RORB: variants seen among roughly 807,000 people sequenced by gnomAD.
The protein encoded by RORB is RAR related orphan receptor B.
Under a neutral mutation model 59.1 loss-of-function variants are expected in RORB, and 6 were observed. That is an observed-to-expected ratio of 0.10 (90% CI 0.06 to 0.20). RORB has a LOEUF of 0.20. Ranked by LOEUF, RORB falls within the 10% of genes least tolerant of loss-of-function variation. RORB has a pLI of 1.00. For missense variants in RORB, 320 were observed against 560.5 expected, an observed-to-expected ratio of 0.57 and a Z score of 4.33; for synonymous variants, 215 against 204.5, an observed-to-expected ratio of 1.05 and a Z score of -0.44.
chr9:74,625,007 T>C (rs1823486193), intron 1 of RORB, among the ~76,000 whole-genome samples: 1 of 151,806 alleles, frequency 6.6e-6, no homozygotes, highest in Non-Finnish European at 1.5e-5. Flanking sequence ...CCAGGAATCA[T>C]AGCCGGGTCA....
intron 1 of RORB, among the ~76,000 whole-genome samples, chr9:74,587,810 T>C (rs567057254): frequency 6.6e-6 from 1 of 152,272 alleles, no homozygotes; most frequent in East Asian, 1.9e-4. Context: ...AGGATTGCTA[T>C]TGTCCCATTG....
intron 1 of RORB, among the ~76,000 whole-genome samples, chr9:74,628,857 T>C (rs531896592): frequency 2.6e-4 from 40 of 152,350 alleles, no homozygotes; most frequent in African/African-American, 9.4e-4. Flanking sequence ...AAATAAATTT[T>C]GTCTCATGGA....
intron 1 of RORB, among the ~76,000 whole-genome samples, chr9:74,614,784 C>T (rs922681919): frequency 6.6e-6 from 1 of 152,086 alleles, no homozygotes; most frequent in African/African-American, 2.4e-5. Context: ...ATATAAAGAA[C>T]ATATTTTGTT....
At chr9:74,630,015 G>A (rs1823589262) in intron 1 of RORB, among the ~76,000 whole-genome samples, 1 of 152,200 alleles carries the variant, frequency 6.6e-6, no homozygotes, top group Admixed American at 6.5e-5. Context: ...AGAAAACAGT[G>A]AATGCAAGAC....
intron 4 of RORB, among the ~76,000 whole-genome samples, chr9:74,654,525 A>C (rs1257848212): frequency 6.6e-6 from 1 of 152,186 alleles, no homozygotes; most frequent in Admixed American, 6.5e-5. Flanking sequence ...TCAAAAATTT[A>C]ATTTCTCTCT....
intron 1 of RORB, among the ~76,000 whole-genome samples, chr9:74,577,016 C>T (rs1241532185): frequency 6.6e-6 from 1 of 152,006 alleles, no homozygotes; most frequent in Non-Finnish European, 1.5e-5. Flanking sequence ...GCCTCCAAGG[C>T]CAGTGCTCTA....
chr9:74,519,654 A>G (rs1480065726), intron 1 of RORB, among the ~76,000 whole-genome samples: 1 of 151,982 alleles, frequency 6.6e-6, no homozygotes, highest in Non-Finnish European at 1.5e-5. Context: ...CCCGCCAAAC[A>G]ATGCGCTGCC....
chr9:74,526,821 C>T (rs1826161945), intron 1 of RORB, among the ~76,000 whole-genome samples: 1 of 151,826 alleles, frequency 6.6e-6, no homozygotes, highest in Non-Finnish European at 1.5e-5. Context: ...GGCTAATATA[C>T]CTTTTAGAAA....
At chr9:74,624,883 T>C (rs1007017639) in intron 1 of RORB, among the ~76,000 whole-genome samples, 9 of 152,168 alleles carry the variant, frequency 5.9e-5, no homozygotes, top group Non-Finnish European at 1.3e-4. Flanking sequence ...CATTAAGAGA[T>C]TTAATTGCAC....
chr9:74,525,845 T>C (rs1327124786), intron 1 of RORB, among the ~76,000 whole-genome samples: 1 of 151,962 alleles, frequency 6.6e-6, no homozygotes, highest in Non-Finnish European at 1.5e-5. Flanking sequence ...TCAGGTGATT[T>C]TCACGTAGAG....
intron 1 of RORB, among the ~76,000 whole-genome samples, chr9:74,622,487 A>G (rs1823438160): frequency 1.4e-5 from 2 of 140,398 alleles, no homozygotes; most frequent in South Asian, 2.3e-4. Context: ...GTTATCGTGT[A>G]TATGAATCAC....
chr9:74,524,095 T>G (rs1045908707), intron 1 of RORB, among the ~76,000 whole-genome samples: 1 of 148,426 alleles, frequency 6.7e-6, no homozygotes, highest in African/African-American at 2.5e-5. Flanking sequence ...TATCTCATCA[T>G]CTACAGAAAG....
chr9:74,573,795 G>A (rs1822589017), intron 1 of RORB, among the ~76,000 whole-genome samples: 1 of 152,106 alleles, frequency 6.6e-6, no homozygotes, highest in Admixed American at 6.6e-5. Flanking sequence ...GGGTAGGGAA[G>A]GGAGACGGAA....
At chr9:74,589,579 G>A (rs768551405) in intron 1 of RORB, among the ~76,000 whole-genome samples, 3 of 152,104 alleles carry the variant, frequency 2.0e-5, no homozygotes, top group Non-Finnish European at 2.9e-5. Context: ...GTACAGATGC[G>A]GCTAGTAAAG....
intron 1 of RORB, among the ~76,000 whole-genome samples, chr9:74,551,397 A>G (rs1363629012): frequency 1.3e-5 from 2 of 152,216 alleles, no homozygotes; most frequent in Non-Finnish European, 2.9e-5. Flanking sequence ...ACAATAGTTG[A>G]TATGATCACC....
At chr9:74,665,129 T>C (rs1563968705) in intron 6 of RORB, among the ~76,000 whole-genome samples, 1 of 152,212 alleles carries the variant, frequency 6.6e-6, no homozygotes, top group African/African-American at 2.4e-5. Flanking sequence ...GAGAAAAATG[T>C]ATTTTCAAAA....
chr9:74,502,054 A>C (rs1196051320), intron 1 of RORB, among the ~76,000 whole-genome samples: 2 of 152,170 alleles, frequency 1.3e-5, no homozygotes, highest in Non-Finnish European at 2.9e-5. Flanking sequence ...ATATAAATAA[A>C]AACATTATTT....
chr9:74,535,879 G>C (rs932131800), intron 1 of RORB, among the ~76,000 whole-genome samples: 1 of 151,920 alleles, frequency 6.6e-6, no homozygotes, highest in Non-Finnish European at 1.5e-5. Context: ...CAAATGACTG[G>C]AAAATAAAAT....
intron 1 of RORB, among the ~76,000 whole-genome samples, chr9:74,563,079 A>G (rs1822420689): frequency 6.6e-6 from 1 of 151,914 alleles, no homozygotes; most frequent in Admixed American, 6.6e-5. Context: ...CCTTATTTAT[A>G]TTTCACCTAC....
Sources: allele counts gnomAD v4.1 joint callset (sites outside exome capture counted in the v4.1 genomes callset), GRCh38; gene constraint gnomAD v4.1.1; transcripts MANE v1.5; gene names NCBI Gene and HGNC (gene_info 2026-07-23, HGNC 2026-07-21).